SVIL: variants seen among roughly 807,000 people sequenced by gnomAD.
SVIL encodes supervillin.
Under a neutral mutation model 240.4 loss-of-function variants are expected in SVIL, and 101 were observed. The ratio of observed to expected loss-of-function variants is 0.42; its 90% CI spans 0.36 to 0.50. SVIL has a LOEUF of 0.50. Among genes scored for constraint, SVIL ranks in the 20% least tolerant of loss-of-function variants. The pLI is 0.01. For synonymous variants in SVIL, 999 were observed against 1,100.0 expected, an observed-to-expected ratio of 0.91 and a Z score of 1.82; for missense variants, 2,512 against 2,818.7, an observed-to-expected ratio of 0.89 and a Z score of 2.46.
At chr10:29,495,679 T>C (rs1011944798) in intron 18 of SVIL, among the ~76,000 whole-genome samples, 3 of 152,008 alleles carry the variant, frequency 2.0e-5, no homozygotes, top group Non-Finnish European at 4.4e-5. Context: ...TCAGAAGAAA[T>C]TACAGACCAG....
chr10:29,578,406 C>G (rs1955795679), intron 1 of SVIL, among the ~76,000 whole-genome samples: 1 of 152,166 alleles, frequency 6.6e-6, no homozygotes, highest in Admixed American at 6.5e-5. Context: ...TGAATGGCGC[C>G]TATGGCTCAA....
chr10:29,692,783 G>T (rs917221630), intron 1 of SVIL, among the ~76,000 whole-genome samples: 51 of 152,166 alleles, frequency 3.4e-4, no homozygotes, highest in African/African-American at 1.2e-3. Context: ...GTGAGCTGCT[G>T]TGCCCAGGCG....
At chr10:29,590,065 G>A (rs1956325115) in intron 1 of SVIL, among the ~76,000 whole-genome samples, 1 of 150,144 alleles carries the variant, frequency 6.7e-6, no homozygotes, top group African/African-American at 2.5e-5. Context: ...TACTCAGGAG[G>A]CTGAGGCAGA....
At chr10:29,649,853 G>C (rs1262325257) in intron 3 of SVIL, among the ~76,000 whole-genome samples, 1 of 152,212 alleles carries the variant, frequency 6.6e-6, no homozygotes, top group African/African-American at 2.4e-5. Flanking sequence ...CTTGAGAGGT[G>C]ATTAAGTCAT....
chr10:29,710,563 G>A (rs1386716521), intron 1 of SVIL, among the ~76,000 whole-genome samples: 1 of 152,136 alleles, frequency 6.6e-6, no homozygotes, highest in Non-Finnish European at 1.5e-5. Context: ...CTATATAATT[G>A]TATTAATAAT....
At position 29,491,413 on chromosome 10, in the gene SVIL, C is replaced by T. The variant is rs534349647; in HGVS notation, c.4020-394G>A. On this transcript the variant is annotated intron_variant, in intron 21 of 37. Coordinates refer to ENST00000355867, the MANE Select transcript of SVIL (RefSeq NM_021738.3). Reference sequence around the variant, plus strand: ...ACACCCATGTCTACTTGTCTGTTTCCGGCAAGCCCTTCGGGAATTTGCACG... The same window carrying T: ...ACACCCATGTCTACTTGTCTGTTTCTGGCAAGCCCTTCGGGAATTTGCACG... Among the ~76,000 whole-genome samples the T allele has an allele frequency of 5.3e-5, 8 of 152,288 alleles. No homozygotes were observed. In the South Asian group the frequency reaches 1.0e-3, roughly 20 times the overall value.
chr10:29,716,370 G>C (rs1963611750), intron 1 of SVIL, among the ~76,000 whole-genome samples: 1 of 152,010 alleles, frequency 6.6e-6, no homozygotes, highest in South Asian at 2.1e-4. Context: ...CTAACACAGA[G>C]ACACTTTCCA....
chr10:29,560,780 A>T (rs143821507), intron 3 of SVIL, among the ~76,000 whole-genome samples: 199 of 152,240 alleles, frequency 1.3e-3, no homozygotes, highest in African/African-American at 4.7e-3. Context: ...ATAAAAAGCA[A>T]AGATATGTGA....
intron 2 of SVIL, among the ~76,000 whole-genome samples, chr10:29,684,013 C>A (rs551066245): frequency 6.6e-6 from 1 of 152,132 alleles, no homozygotes; most frequent in East Asian, 1.9e-4. Flanking sequence ...AACATCTTTG[C>A]GTAATTTTTT....
chr10:29,569,327 A>G lies in SVIL; in HGVS notation c.-200-15T>C. On this transcript the variant is annotated splice_polypyrimidine_tract_variant and intron_variant, in intron 1 of 37. Coordinates refer to ENST00000355867, the MANE Select transcript of SVIL (RefSeq NM_021738.3). ...CTTGTTGAAATCTAAGGGAAAAGAAATAATGTAACATTGAAATAGTTATGC... is the reference window on the plus strand; with the variant it reads ...CTTGTTGAAATCTAAGGGAAAAGAAGTAATGTAACATTGAAATAGTTATGC... 1 of 979,320 alleles carries G rather than the reference A, an allele frequency of 1.0e-6. No individual in the cohort carries two copies. The highest frequency in any genetic ancestry group is 1.2e-6 in the Non-Finnish European group (1 of 823,988). The allele number at this position is 979,320 out of a possible 1,614,324, so 60.7% of individuals were successfully genotyped here. A position where few individuals can be genotyped will look rare whatever the true frequency, so the allele number is the denominator to read the frequency against.
At chr10:29,630,249 G>C (rs986982414) in intron 1 of SVIL, among the ~76,000 whole-genome samples, 1 of 152,260 alleles carries the variant, frequency 6.6e-6, no homozygotes, top group Non-Finnish European at 1.5e-5. Flanking sequence ...AATGTACCCA[G>C]GGCTGTGACA....
chr10:29,637,546 A>G (rs1194219435), upstream of SVIL, among the ~76,000 whole-genome samples: 2 of 152,222 alleles, frequency 1.3e-5, no homozygotes, highest in African/African-American at 4.8e-5. Flanking sequence ...GGCCTACTGG[A>G]TAACTACAGT....
At position 29,463,599 on chromosome 10, in the gene SVIL, A is replaced by G; in HGVS notation, c.6170T>C (p.Leu2057Pro). 3 of 1,614,160 alleles carry G rather than the reference A, an allele frequency of 1.9e-6. No individual in the cohort carries two copies. Among genetic ancestry groups the G allele is most frequent in the Non-Finnish European group, 2.5e-6 (3 of 1,180,034 alleles). Residue 2057 changes from leucine to proline, a missense_variant, in exon 35 of 38, where the codon CTC (leucine) becomes CCC (proline). Coordinates refer to ENST00000355867, the MANE Select transcript of SVIL (RefSeq NM_021738.3). ...CTCGATGGGCCACCAGCCTTGCCAG[A>G]GGTACACCTCGTGGTGATTGTCAAC... is the stretch of plus-strand genomic sequence containing the variant. ...FLVDNHHEVY[L>P]WQGWWPIENK...
At chr10:29,666,625 C>G (rs970598721) in intron 2 of SVIL, among the ~76,000 whole-genome samples, 1 of 152,172 alleles carries the variant, frequency 6.6e-6, no homozygotes, top group African/African-American at 2.4e-5. Context: ...CCAAGAGAAA[C>G]AGATGTGCAC....
At chr10:29,591,806 T>C (rs1956401162) in intron 1 of SVIL, among the ~76,000 whole-genome samples, 1 of 152,238 alleles carries the variant, frequency 6.6e-6, no homozygotes. Context: ...GAAGGGATCT[T>C]AGCACACGTG....
chr10:29,642,767 T>C (rs1958532300), intron 3 of SVIL, among the ~76,000 whole-genome samples: 1 of 152,074 alleles, frequency 6.6e-6, no homozygotes, highest in Non-Finnish European at 1.5e-5. Context: ...CACTGCAGCC[T>C]CCACCTGCTG....
At chr10:29,652,290 A>G (rs1283463830) in intron 3 of SVIL, among the ~76,000 whole-genome samples, 1 of 151,868 alleles carries the variant, frequency 6.6e-6, no homozygotes, top group Non-Finnish European at 1.5e-5. Context: ...TTCACATAAA[A>G]GGAATTATAC....
chr10:29,695,953 C>A (rs1390840169), intron 1 of SVIL, among the ~76,000 whole-genome samples: 3 of 137,990 alleles, frequency 2.2e-5, no homozygotes, highest in African/African-American at 8.3e-5. Context: ...CCCTCTCCCT[C>A]TCCCGTCTCC....
chr10:29,506,845 A>AGGGACAGAGGCCCTAGAGGGAG (rs1564536131), intron 17 of SVIL, among the ~76,000 whole-genome samples: 2 of 146,808 alleles, frequency 1.4e-5, no homozygotes, highest in African/African-American at 5.1e-5. Flanking sequence ...CTAGGAGGGA[A>AGGGACAGAGGCCCTAGAGGGAG]GGGACAGAGG....
Sources: allele counts gnomAD v4.1 joint callset (sites outside exome capture counted in the v4.1 genomes callset), GRCh38; gene constraint gnomAD v4.1.1; transcripts MANE v1.5; gene names NCBI Gene and HGNC (gene_info 2026-07-23, HGNC 2026-07-21).